MED13L: variants seen among roughly 807,000 people sequenced by gnomAD.
MED13L encodes the protein mediator complex subunit 13L.
MED13L carries 7 observed loss-of-function variants against 220.9 expected under a neutral mutation model. The ratio of observed to expected loss-of-function variants is 0.03; its 90% CI spans 0.02 to 0.06. MED13L has a LOEUF of 0.06. Among genes scored for constraint, MED13L ranks in the 10% least tolerant of loss-of-function variants. The pLI is 1.00. For synonymous variants in MED13L, 1,011 were observed against 1,015.2 expected (o/e 1.00, Z 0.08); for missense variants, 1,965 against 2,760.5 (o/e 0.71, Z 6.46).
In MED13L at chr12:116,023,780, A is replaced by C. The variant is rs187849612; in HGVS notation, c.480-1179T>G. Among the ~76,000 whole-genome samples, 181 of 152,350 alleles carry C rather than the reference A, an allele frequency of 1.2e-3. 2 individuals are homozygous for C. The highest frequency in any genetic ancestry group is 1.1e-3 in the Non-Finnish European group (72 of 68,022). ...AGAGTAAATTCAAGATAGTGACTACAATTTTAAAAGAATTTTGAAAAAAAG... is the reference window on the plus strand; with the variant it reads ...AGAGTAAATTCAAGATAGTGACTACCATTTTAAAAGAATTTTGAAAAAAAG... On this transcript the variant is annotated intron_variant, in intron 4 of 30. Transcript: ENST00000281928.
Position 116,100,847 on chromosome 12 carries a change from G to A in MED13L, c.396-4095C>T, listed in dbSNP as rs376693957. ...ACAGATCACTGGAGCCCAGGAGGTC[G>A]AGGCTGCAATGAGCTGTGATGGCAC... On this transcript the variant is annotated intron_variant, in intron 3 of 30. Transcript: ENST00000281928. Among the ~76,000 whole-genome samples the A allele has an allele frequency of 7.9e-5, 12 of 152,158 alleles. No individual in the cohort carries two copies. The East Asian group carries it at 1.9e-3, about 25-fold the overall frequency.
intron 3 of MED13L, among the ~76,000 whole-genome samples, 177 bp from the exon 4 acceptor site, chr12:116,096,929 C>T (rs960540215): frequency 6.6e-6 from 1 of 152,146 alleles, no homozygotes; most frequent in Admixed American, 6.5e-5. Context: ...CTCTGGGACA[C>T]TGGGCACAGA....
At chr12:116,085,362 T>C (rs769733397) in intron 4 of MED13L, among the ~76,000 whole-genome samples, 37 of 152,144 alleles carry the variant, frequency 2.4e-4, no homozygotes, top group Non-Finnish European at 5.0e-4. Context: ...CCAATAATTA[T>C]AAGAATCAAA....
At chr12:116,208,962 C>A (rs1882525404) in intron 2 of MED13L, among the ~76,000 whole-genome samples, 1 of 151,584 alleles carries the variant, frequency 6.6e-6, no homozygotes, top group Non-Finnish European at 1.5e-5. Flanking sequence ...CAGAGCGAGA[C>A]CCTGTCTCTA....
At chr12:116,114,851 A>C (rs1428855200) in intron 2 of MED13L, among the ~76,000 whole-genome samples, 3 of 152,216 alleles carry the variant, frequency 2.0e-5, no homozygotes, top group Non-Finnish European at 4.4e-5. Flanking sequence ...AGTACCATTT[A>C]CAGTAGCACC....
intron 4 of MED13L, among the ~76,000 whole-genome samples, chr12:116,086,090 A>G (rs181470393): frequency 6.6e-6 from 1 of 152,334 alleles, no homozygotes; most frequent in African/African-American, 2.4e-5. Flanking sequence ...ATGTTCTTCT[A>G]TTGGAGAGTG....
In MED13L at chr12:115,991,433, T is replaced by C. The variant is rs1878054477; in HGVS notation, c.3521A>G (p.Tyr1174Cys). The C allele has an allele frequency of 1.2e-6, 2 of 1,614,068 alleles. No individual in the cohort carries two copies. Among genetic ancestry groups the C allele is most frequent in the South Asian group, 1.1e-5 (1 of 91,076 alleles). Residue 1174 changes from tyrosine to cysteine, a missense_variant, in exon 17 of 31, where the codon TAC becomes TGC. Physicochemically the swap from Tyr to Cys is radical, Grantham distance 194. Around this residue, in one of 10 missense-constraint regions of MED13L, gnomAD observed 165 missense variants for 190.8 expected, o/e 0.86. Coordinates refer to ENST00000281928, the MANE Select transcript of MED13L (RefSeq NM_015335.5). The surrounding 1 kb of genome is among the most constrained non-coding windows in gnomAD (Gnocchi z 7.7). ...ATCTTCAAGGAAGAGTCCTGAATTG[T>C]AGCCAAGTTTGCGGTTCATAATCGC... ...FSAIMNRKLGYNSGLFLEDEL... is the reference protein window; with the variant it reads ...FSAIMNRKLGCNSGLFLEDEL...
intron 1 of MED13L, among the ~76,000 whole-genome samples, chr12:116,250,265 G>A (rs1229221190): frequency 3.3e-5 from 5 of 149,584 alleles, no homozygotes; most frequent in Non-Finnish European, 6.0e-5. Flanking sequence ...GATCAAAGAC[G>A]AATAGCCCTC....
intron 2 of MED13L, among the ~76,000 whole-genome samples, chr12:116,199,321 A>G (rs1881850314): frequency 6.6e-6 from 1 of 152,182 alleles, no homozygotes; most frequent in Admixed American, 6.5e-5. Flanking sequence ...TGTAAACCCA[A>G]TCTCAGCCAT....
At chr12:116,129,425 A>T (rs1483882372) in intron 2 of MED13L, among the ~76,000 whole-genome samples, 1 of 152,146 alleles carries the variant, frequency 6.6e-6, no homozygotes, top group Non-Finnish European at 1.5e-5. Context: ...TTTAACTTTC[A>T]ATTAGTCATA....
At chr12:116,193,332 C>G (rs1881406445) in intron 2 of MED13L, among the ~76,000 whole-genome samples, 1 of 152,052 alleles carries the variant, frequency 6.6e-6, no homozygotes, top group African/African-American at 2.4e-5. Flanking sequence ...AGTTTTTAAC[C>G]TGAAGCTTAT....
At chr12:115,964,768 T>G (rs1274894835) in intron 29 of MED13L, among the ~76,000 whole-genome samples, 17 of 152,146 alleles carry the variant, frequency 1.1e-4, no homozygotes. Context: ...TCCTTTTAGG[T>G]GTGACAAGAT....
At chr12:116,120,477 T>TCA (rs1158069310) in intron 2 of MED13L, among the ~76,000 whole-genome samples, 13,237 of 79,368 alleles carry the variant, frequency 0.17, 1,304 homozygotes, top group Non-Finnish European at 0.22. Context: ...TCTCTCTCTC[T>TCA]CACACACACA....
intron 2 of MED13L, among the ~76,000 whole-genome samples, chr12:116,175,730 C>G (rs1181465608): frequency 6.6e-6 from 1 of 152,072 alleles, no homozygotes; most frequent in African/African-American, 2.4e-5. Context: ...AGAAGGAGAA[C>G]TGGCAGAACT....
At chr12:115,972,743 CACA>C (rs1181302968) in intron 25 of MED13L, among the ~76,000 whole-genome samples, 2 of 152,182 alleles carry the variant, frequency 1.3e-5, no homozygotes, top group African/African-American at 4.8e-5. Flanking sequence ...CAAAAGAGCT[CACA>C]ACGAGTGTGA....
At chr12:115,987,927 C>T (rs879426020) in intron 17 of MED13L, among the ~76,000 whole-genome samples, 2 of 152,144 alleles carry the variant, frequency 1.3e-5, no homozygotes, top group Admixed American at 1.3e-4. Context: ...GATTTCTAAC[C>T]TAAAATTTGA....
At chr12:116,186,853 C>G (rs771691413) in intron 2 of MED13L, among the ~76,000 whole-genome samples, 1 of 152,200 alleles carries the variant, frequency 6.6e-6, no homozygotes, top group African/African-American at 2.4e-5. Context: ...TAATGTACCA[C>G]TGTTGTTCCT....
At chr12:116,074,808 A>G (rs958826302) in intron 4 of MED13L, among the ~76,000 whole-genome samples, 10 of 152,262 alleles carry the variant, frequency 6.6e-5, no homozygotes, top group African/African-American at 2.4e-4. Flanking sequence ...GGTGCCCTTG[A>G]CAGAACAGCA....
intron 4 of MED13L, among the ~76,000 whole-genome samples, chr12:116,066,800 A>G (rs1259164720): frequency 6.6e-6 from 1 of 151,912 alleles, no homozygotes; most frequent in Non-Finnish European, 1.5e-5. Context: ...CATCAACTCT[A>G]CCGGCTACCA....
Sources: gnomAD v4.1 joint callset for allele counts (sites outside exome capture counted in the v4.1 genomes callset) on GRCh38, gnomAD v4.1.1 for gene constraint, gnomAD v4.1.1 regional missense constraint, Gnocchi (gnomAD v3.1) non-coding constraint, MANE v1.5 for transcripts, NCBI Gene and HGNC (gene_info 2026-07-23, HGNC 2026-07-21) for gene names.